The following WSCD2 variants were observed in gnomAD, a reference collection of about 807,000 sequenced individuals.
WSCD2 encodes sialate:O-sulfotransferase 2.
In WSCD2, 28 loss-of-function variants were observed where a neutral mutation model predicts 55.7. The ratio of observed to expected loss-of-function variants is 0.50; its 90% CI spans 0.37 to 0.69. The LOEUF is 0.69. Among genes scored for constraint, WSCD2 ranks in the 30% least tolerant of loss-of-function variants. The probability of loss-of-function intolerance (pLI) is 0.00; values close to 1 mark genes in which losing one functional copy is unlikely to be tolerated. For missense variants in WSCD2, 616 were observed against 762.1 expected (o/e 0.81, Z 2.26); for synonymous variants, 301 against 301.9 (o/e 1.00, Z 0.03).
chr12:108,195,872 C>T lies in WSCD2; in HGVS notation c.40C>T (p.Arg14Trp), dbSNP rs894233293. ...LWFKFQRYFR[R>W]KPVRFFTFLA... ...GTTCAAATTCCAGCGGTACTTCCGC[C>T]GGAAACCTGTGCGCTTCTTTACCTT... The change falls in exon 2 of 9, where the codon CGG (arginine) becomes TGG (tryptophan). Residue 14 changes from arginine to tryptophan, a missense_variant. Coordinates refer to ENST00000547525, the MANE Select transcript of WSCD2 (RefSeq NM_014653.4). The T allele has an allele frequency of 1.5e-5, 24 of 1,613,830 alleles. No homozygotes were observed. Among genetic ancestry groups the T allele is most frequent in the Middle Eastern group, 3.3e-4 (2 of 6,082 alleles).
intron 8 of WSCD2, among the ~76,000 whole-genome samples, chr12:108,242,153 G>A (rs554648207): frequency 6.6e-6 from 1 of 152,354 alleles, no homozygotes; most frequent in South Asian, 2.1e-4. Context: ...AGGGCAGGAT[G>A]ACGTAACTCA....
chr12:108,188,627 C>A (rs1882801389), intron 1 of WSCD2, among the ~76,000 whole-genome samples: 1 of 151,984 alleles, frequency 6.6e-6, no homozygotes, highest in Non-Finnish European at 1.5e-5. Flanking sequence ...CTTTCACTTG[C>A]CAAATGGCTG....
intron 3 of WSCD2, among the ~76,000 whole-genome samples, chr12:108,206,623 G>A (rs1885413733): frequency 6.6e-6 from 1 of 152,252 alleles, no homozygotes; most frequent in Non-Finnish European, 1.5e-5. Context: ...GTCTGTGGTT[G>A]TGCAACTGTG....
chr12:108,166,402 T>G (rs1484304612), intron 1 of WSCD2, among the ~76,000 whole-genome samples: 2 of 152,230 alleles, frequency 1.3e-5, no homozygotes, highest in African/African-American at 4.8e-5. Context: ...ATTGAGATTC[T>G]TAGGGTGTCT....
intron 1 of WSCD2, among the ~76,000 whole-genome samples, chr12:108,191,152 T>C (rs1883108571): frequency 6.6e-6 from 1 of 152,232 alleles, no homozygotes; most frequent in Non-Finnish European, 1.5e-5. Flanking sequence ...AGACACATTA[T>C]CTGTGGATTG....
intron 1 of WSCD2, among the ~76,000 whole-genome samples, chr12:108,169,416 A>G (rs1224402207): frequency 1.3e-5 from 2 of 152,036 alleles, no homozygotes; most frequent in Admixed American, 6.6e-5. Context: ...GTTCTAGGGT[A>G]TTCCCCTAGC....
At chr12:108,144,909 A>G (rs1000698420) in intron 1 of WSCD2, among the ~76,000 whole-genome samples, 18 of 152,198 alleles carry the variant, frequency 1.2e-4, no homozygotes, top group Non-Finnish European at 2.4e-4. Context: ...CAACTCGGAC[A>G]TGGCAGAGCC....
At chr12:108,230,426 C>G (rs1888622214) in intron 6 of WSCD2, among the ~76,000 whole-genome samples, 1 of 152,160 alleles carries the variant, frequency 6.6e-6, no homozygotes, top group African/African-American at 2.4e-5. Flanking sequence ...GTGGGCAATT[C>G]CGGCATGTTT....
intron 2 of WSCD2, 101 bp from the exon 3 acceptor site, chr12:108,206,188 G>T (rs1199653906): frequency 6.4e-6 from 6 of 942,138 alleles, no homozygotes; most frequent in Admixed American, 4.1e-5. Flanking sequence ...ACATTAAAAG[G>T]TCAACAAGGT....
rs1203891685 is a variant in WSCD2, at chr12:108,250,070, A to T, written c.*1727A>T. On this transcript the variant is annotated 3_prime_UTR_variant, in exon 9 of 9. Transcript: ENST00000547525. ...TCTGACCACAAGCTTCTGCCTGAAG[A>T]TTCCTCAGGTCAACACCATCATTAA... is the stretch of plus-strand genomic sequence containing the variant. 1 of 152,346 alleles carries T rather than the reference A, an allele frequency of 6.6e-6. No homozygotes were observed. Among genetic ancestry groups the T allele is most frequent in the Non-Finnish European group, 1.5e-5 (1 of 68,040 alleles). The allele number at this position is 152,346 out of a possible 1,614,324, so 9.4% of individuals were successfully genotyped here.
chr12:108,232,332 A>G (rs1015880554), intron 6 of WSCD2, among the ~76,000 whole-genome samples: 1 of 152,186 alleles, frequency 6.6e-6, no homozygotes, highest in Non-Finnish European at 1.5e-5. Context: ...ATAACAAAAA[A>G]TACACGACGG....
chr12:108,201,946 C>T (rs1884739874), intron 2 of WSCD2, among the ~76,000 whole-genome samples: 1 of 152,148 alleles, frequency 6.6e-6, no homozygotes, highest in South Asian at 2.1e-4. Context: ...CAGCAGTCTT[C>T]AGACCGCTGT....
At chr12:108,198,058 A>C (rs1469018364) in intron 2 of WSCD2, among the ~76,000 whole-genome samples, 1 of 150,144 alleles carries the variant, frequency 6.7e-6, no homozygotes, top group Non-Finnish European at 1.5e-5. Context: ...CCCACTTCCT[A>C]CCCAGTCACA....
chr12:108,196,322 A>G, intron 2 of WSCD2, 108 bp downstream of exon 2: 1 of 1,408,314 alleles, frequency 7.1e-7, no homozygotes, highest in Non-Finnish European at 9.4e-7. Flanking sequence ...ACCAGCTGTC[A>G]TATCATTGTA....
Position 108,206,362 on chromosome 12 carries a change from A to G in WSCD2, c.456A>G (p.Lys152=), listed in dbSNP as rs765367732. 1.2e-6 allele frequency: 2 copies of G among 1,614,080 alleles called. No individual in the cohort carries two copies. The highest frequency in any genetic ancestry group is 2.7e-5 in the African/African-American group (2 of 74,912). The change falls in exon 3 of 9, where the codon AAA becomes AAG. Residue 152 remains lysine, a synonymous_variant. Coordinates refer to ENST00000547525, the MANE Select transcript of WSCD2 (RefSeq NM_014653.4). ...ALRGVSFFDY[K]KMTIFRCQDN... ...GAGGAGTGTCCTTTTTTGACTACAA[A>G]AAGATGACCATCTTCCGTTGCCAGG... is the stretch of plus-strand genomic sequence containing the variant.
intron 1 of WSCD2, among the ~76,000 whole-genome samples, chr12:108,174,801 T>C (rs1156997661): frequency 6.6e-6 from 1 of 152,170 alleles, no homozygotes; most frequent in Non-Finnish European, 1.5e-5. Context: ...GTGAGTTTTT[T>C]TGCAGAGATG....
Position 108,238,476 on chromosome 12 carries a change from C to T in WSCD2, c.1145-1868C>T, listed in dbSNP as rs867203112. Among the ~76,000 whole-genome samples, 148 of 152,304 alleles carry T rather than the reference C, an allele frequency of 9.7e-4. 1 individual carries two copies. Among genetic ancestry groups the T allele is most frequent in the African/African-American group, 2.8e-3 (117 of 41,570 alleles). ...CTTCACCTCCATCCATCTTAAAAGC[C>T]AGAGCACAACAGGGAGGGAAGAAGC... On this transcript the variant is annotated intron_variant, in intron 7 of 8. Coordinates refer to ENST00000547525, the MANE Select transcript of WSCD2 (RefSeq NM_014653.4).
intron 1 of WSCD2, among the ~76,000 whole-genome samples, chr12:108,164,742 C>T (rs1490679948): frequency 1.3e-5 from 2 of 152,020 alleles, no homozygotes; most frequent in Non-Finnish European, 2.9e-5. Flanking sequence ...TCCTTGCCCG[C>T]AACAGCTTTC....
rs972207752 is a variant in WSCD2 at position 108,249,806 on chromosome 12, G to T, written c.*1463G>T. 10 of 152,782 alleles carry T rather than the reference G, an allele frequency of 6.5e-5. No homozygotes were observed. The highest frequency in any genetic ancestry group is 4.6e-4 in the Admixed American group (7 of 15,306). The allele number at this position is 152,782 out of a possible 1,614,324, so 9.5% of individuals were successfully genotyped here. A position where few individuals can be genotyped will look rare whatever the true frequency, so the allele number is the denominator to read the frequency against. On this transcript the variant is annotated 3_prime_UTR_variant, in exon 9 of 9. Transcript: ENST00000547525. ...TGGAACCTGGCCATGCAAAGCAAGG[G>T]CACAGGGATTAGACCTGTGGCACAC... is the stretch of plus-strand genomic sequence containing the variant.
Sources: gnomAD v4.1 joint callset for allele counts (sites outside exome capture counted in the v4.1 genomes callset) on GRCh38, gnomAD v4.1.1 for gene constraint, MANE v1.5 for transcripts, NCBI Gene and HGNC (gene_info 2026-07-23, HGNC 2026-07-21) for gene names.